Variants in GABRG2 observed in about 807,000 individuals in gnomAD.
GABRG2 encodes gamma-aminobutyric acid receptor subunit gamma-2.
Under a neutral mutation model 56.4 loss-of-function variants are expected in GABRG2, and 16 were observed. That is an observed-to-expected ratio of 0.28 (90% CI 0.19 to 0.43). GABRG2 has a LOEUF of 0.43. GABRG2 is among the 20% of genes least tolerant of loss of function. GABRG2 has a pLI of 1.00. For missense variants in GABRG2, 327 were observed against 582.7 expected, an observed-to-expected ratio of 0.56 and a Z score of 4.52; for synonymous variants, 208 against 205.5, an observed-to-expected ratio of 1.01 and a Z score of -0.10.
In GABRG2 at chr5:162,113,964, A is replaced by G. The variant is rs200221558; in HGVS notation, c.769+9938A>G. Among the ~76,000 whole-genome samples, 8 of 152,310 alleles carry G rather than the reference A, an allele frequency of 5.3e-5. No homozygotes were observed. The East Asian group carries it at 1.4e-3, about 26-fold the overall frequency. ...CAGTTGTAATTTCACTTACAGGGAA[A>G]TTACTCCAAAGAGGTAAAGTCAGAG... On this transcript the variant is annotated intron_variant, in intron 6 of 9. Coordinates refer to ENST00000639213, the MANE Select transcript of GABRG2 (RefSeq NM_198904.4).
chr5:162,145,316 A>C (rs146561802), intron 7 of GABRG2, among the ~76,000 whole-genome samples: 72 of 152,310 alleles, frequency 4.7e-4, no homozygotes, highest in African/African-American at 1.7e-3. Flanking sequence ...GAATGAAATG[A>C]AAATACCATT....
intron 8 of GABRG2, 90 bp from the exon 9 acceptor site, chr5:162,151,640 A>G: frequency 8.8e-7 from 1 of 1,142,458 alleles, no homozygotes; most frequent in South Asian, 1.4e-5. Context: ...TGTATTTTTA[A>G]TTTATCTTGT....
intron 6 of GABRG2, among the ~76,000 whole-genome samples, chr5:162,130,186 T>C (rs1385951403): frequency 6.6e-6 from 1 of 151,928 alleles, no homozygotes; most frequent in East Asian, 1.9e-4. Flanking sequence ...AAAAACTTCC[T>C]GGGTGAAAGA....
chr5:162,086,485 T>A (rs978853030), intron 1 of GABRG2, among the ~76,000 whole-genome samples: 1 of 152,052 alleles, frequency 6.6e-6, no homozygotes, highest in Non-Finnish European at 1.5e-5. Context: ...AAGATTAAAA[T>A]ATAACTCAAT....
intron 1 of GABRG2, among the ~76,000 whole-genome samples, chr5:162,079,623 AT>A (rs997198775): frequency 4.6e-5 from 7 of 151,824 alleles, no homozygotes; most frequent in African/African-American, 4.8e-5. Context: ...ATTTAAAAAA[AT>A]AATATATATA....
chr5:162,149,929 A>C, intron 8 of GABRG2: 1 of 215,406 alleles, frequency 4.6e-6, no homozygotes, highest in Non-Finnish European at 9.5e-6. Flanking sequence ...AATATTATTA[A>C]ATCACTGATA....
intron 4 of GABRG2, chr5:162,099,174 G>C: frequency 6.6e-6 from 1 of 151,996 alleles, no homozygotes; most frequent in East Asian, 1.9e-4. Flanking sequence ...ATTAGAAAAA[G>C]CCACAATTCC....
chr5:162,092,063 T>C (rs963403422), intron 1 of GABRG2, among the ~76,000 whole-genome samples: 1 of 152,090 alleles, frequency 6.6e-6, no homozygotes, highest in Non-Finnish European at 1.5e-5. Flanking sequence ...CCAGAGAGCT[T>C]TTTTATTTTC....
chr5:162,128,596 T>C (rs954431746), intron 6 of GABRG2, among the ~76,000 whole-genome samples: 3 of 151,942 alleles, frequency 2.0e-5, no homozygotes, highest in Admixed American at 6.6e-5. Flanking sequence ...GCTGAGCTCC[T>C]TCCTCTCCTC....
At chr5:162,133,115 T>G (rs1458981510) in intron 6 of GABRG2, among the ~76,000 whole-genome samples, 1 of 151,986 alleles carries the variant, frequency 6.6e-6, no homozygotes, top group Non-Finnish European at 1.5e-5. Flanking sequence ...ACTTTACTAT[T>G]ACTCCTGAAG....
intron 6 of GABRG2, among the ~76,000 whole-genome samples, chr5:162,135,888 AAAC>A (rs1764090315): frequency 6.6e-6 from 1 of 152,138 alleles, no homozygotes; most frequent in African/African-American, 2.4e-5. Flanking sequence ...GGGAAAAACA[AAAC>A]AAAACAAAAC....
intron 3 of GABRG2, 47 bp from the exon 4 acceptor site, chr5:162,097,591 T>A (rs572627800): frequency 3.0e-6 from 4 of 1,344,328 alleles, no homozygotes; most frequent in Non-Finnish European, 3.2e-6. Context: ...TTTAAAAAGA[T>A]AATCTTACTG....
chr5:162,135,038 G>A (rs1441685414), intron 6 of GABRG2, among the ~76,000 whole-genome samples: 2 of 152,022 alleles, frequency 1.3e-5, no homozygotes, highest in Non-Finnish European at 2.9e-5. Context: ...AAATCAGAAC[G>A]GCAAAGTTTT....
At chr5:162,123,674 G>A (rs139191298) in intron 6 of GABRG2, among the ~76,000 whole-genome samples, 2,235 of 151,910 alleles carry the variant, frequency 0.015, 34 homozygotes, top group Non-Finnish European at 0.018. Flanking sequence ...TGAGCTAAGT[G>A]TTTTATGGCA....
chr5:162,094,150 T>A, intron 2 of GABRG2, 171 bp downstream of exon 2: 2 of 643,584 alleles, frequency 3.1e-6, no homozygotes. Context: ...GGGAGAGGTG[T>A]CAATACATTC....
At chr5:162,117,766 T>A (rs1762717916) in intron 6 of GABRG2, among the ~76,000 whole-genome samples, 1 of 152,084 alleles carries the variant, frequency 6.6e-6, no homozygotes, top group African/African-American at 2.4e-5. Flanking sequence ...AAAACAGAAT[T>A]GCCATTTCAT....
At chr5:162,095,675 A>C (rs1160256869) in intron 3 of GABRG2, 113 bp downstream of exon 3, 1 of 723,622 alleles carries the variant, frequency 1.4e-6, no homozygotes, top group Non-Finnish European at 2.5e-6. Context: ...TTAAAACTTT[A>C]GAAGTGAAAG....
At chr5:162,153,070 C>T in intron 9 of GABRG2, 23 bp from the exon 10 acceptor site, 1 of 1,613,890 alleles carries the variant, frequency 6.2e-7, no homozygotes, top group Non-Finnish European at 8.5e-7. Context: ...ACTGATCCCT[C>T]TCCTTCCCTA....
chr5:162,078,500 A>G (rs1225324993), intron 1 of GABRG2, among the ~76,000 whole-genome samples: 4 of 137,762 alleles, frequency 2.9e-5, no homozygotes, highest in East Asian at 2.4e-4. Context: ...TGCGCCTCCC[A>G]GGTTCATGCA....
Sources: allele counts gnomAD v4.1 joint callset (sites outside exome capture counted in the v4.1 genomes callset), GRCh38; gene constraint gnomAD v4.1.1; transcripts MANE v1.5; gene names NCBI Gene and HGNC (gene_info 2026-07-23, HGNC 2026-07-21).